COMMD10: variants seen among roughly 807,000 people sequenced by gnomAD.
COMMD10 encodes the protein COMM domain containing 10.
COMMD10 carries 33 observed loss-of-function variants against 28.9 expected under a neutral mutation model. The observed-to-expected ratio is 1.14, with a 90% CI of 0.87 to 1.53. COMMD10 has a LOEUF of 1.53. Ranked by LOEUF, COMMD10 falls within the 40% of genes most tolerant of loss-of-function variation. The pLI is 0.00. For missense variants in COMMD10, 310 were observed against 233.4 expected, an observed-to-expected ratio of 1.33 and a Z score of -2.14; for synonymous variants, 110 against 81.7, an observed-to-expected ratio of 1.35 and a Z score of -1.87.
intron 4 of COMMD10, among the ~76,000 whole-genome samples, chr5:116,128,717 A>G (rs1751749329): frequency 6.6e-6 from 1 of 152,024 alleles, no homozygotes. Context: ...TAATATAAGA[A>G]TATATTCTAA....
chr5:116,101,497 G>A (rs1204405090), intron 4 of COMMD10, among the ~76,000 whole-genome samples: 1 of 151,948 alleles, frequency 6.6e-6, no homozygotes, highest in Admixed American at 6.6e-5. Flanking sequence ...TGTGACCTCG[G>A]CTCACTGCAA....
chr5:116,125,539 C>G (rs189210727), intron 4 of COMMD10, among the ~76,000 whole-genome samples: 10 of 152,192 alleles, frequency 6.6e-5, no homozygotes, highest in African/African-American at 2.2e-4. Flanking sequence ...TGGAGTTGCT[C>G]TTCTCCAGGA....
intron 5 of COMMD10, among the ~76,000 whole-genome samples, chr5:116,250,755 G>A (rs1318999582): frequency 2.6e-5 from 4 of 151,954 alleles, no homozygotes; most frequent in Non-Finnish European, 5.9e-5. Context: ...TCTCTTCTGA[G>A]AATCTGCAAG....
chr5:116,180,773 A>G (rs1020424759), intron 5 of COMMD10, among the ~76,000 whole-genome samples: 8 of 152,138 alleles, frequency 5.3e-5, no homozygotes, highest in African/African-American at 1.9e-4. Context: ...GATCGCATAT[A>G]TTGTAGTATA....
chr5:116,292,447 A>T lies in COMMD10; in HGVS notation c.571-4A>T. 1 of 1,494,474 alleles carries T rather than the reference A, an allele frequency of 6.7e-7. No homozygotes were observed. The highest frequency in any genetic ancestry group is 8.9e-7 in the Non-Finnish European group (1 of 1,123,150). 92.6% of individuals were successfully genotyped at this position (1,494,474 alleles called of 1,614,324 possible). A position where few individuals can be genotyped will look rare whatever the true frequency, so the allele number is the denominator to read the frequency against. On this transcript the variant is annotated splice_polypyrimidine_tract_variant and splice_region_variant and intron_variant, in intron 6 of 6. Transcript: ENST00000274458. ...TCTTTTTTTTTTTTTGTCTTTGTAA[A>T]TAGCTAGAGACTATACAAGCACAGC...
At chr5:116,287,634 G>C (rs200715239) in intron 5 of COMMD10, among the ~76,000 whole-genome samples, 3 of 151,372 alleles carry the variant, frequency 2.0e-5, no homozygotes, top group Non-Finnish European at 4.4e-5. Context: ...TCTATGTCTT[G>C]TTCCTTTCCT....
intron 4 of COMMD10, among the ~76,000 whole-genome samples, chr5:116,125,654 T>C (rs896269479): frequency 6.6e-6 from 1 of 152,158 alleles, no homozygotes; most frequent in Non-Finnish European, 1.5e-5. Flanking sequence ...TTTTCCAACT[T>C]GGTTCCATTC....
At chr5:116,165,464 C>A (rs1366833262) in intron 5 of COMMD10, among the ~76,000 whole-genome samples, 1 of 152,156 alleles carries the variant, frequency 6.6e-6, no homozygotes, top group Non-Finnish European at 1.5e-5. Flanking sequence ...GAAAAACAGA[C>A]ATTTATTTCT....
At chr5:116,288,553 T>C (rs530162819) in intron 5 of COMMD10, among the ~76,000 whole-genome samples, 1 of 151,902 alleles carries the variant, frequency 6.6e-6, no homozygotes, top group African/African-American at 2.4e-5. Context: ...TCTCTTACTT[T>C]CCCTTCTGGA....
intron 5 of COMMD10, among the ~76,000 whole-genome samples, chr5:116,274,058 A>G (rs984285599): frequency 3.3e-5 from 5 of 151,722 alleles, no homozygotes; most frequent in South Asian, 2.1e-4. Context: ...AGCCTCTGCA[A>G]CTGTCACCAA....
chr5:116,243,417 A>G (rs117835789), intron 5 of COMMD10, among the ~76,000 whole-genome samples: 3 of 152,306 alleles, frequency 2.0e-5, no homozygotes, highest in East Asian at 1.9e-4. Context: ...GAAAATTTAC[A>G]TGTTTTAATT....
chr5:116,091,254 A>G, intron 3 of COMMD10, 65 bp downstream of exon 3: 1 of 726,950 alleles, frequency 1.4e-6, no homozygotes, highest in Non-Finnish European at 2.2e-6. Flanking sequence ...TTGTTATGAT[A>G]TCTATGACAT....
At chr5:116,096,596 T>C (rs1750476850) in intron 4 of COMMD10, among the ~76,000 whole-genome samples, 1 of 152,130 alleles carries the variant, frequency 6.6e-6, no homozygotes, top group Non-Finnish European at 1.5e-5. Flanking sequence ...TGCTTTATTT[T>C]ACTGACAAGG....
chr5:116,153,988 AT>A (rs1752621466), intron 5 of COMMD10, among the ~76,000 whole-genome samples: 1 of 152,028 alleles, frequency 6.6e-6, no homozygotes, highest in African/African-American at 2.4e-5. Flanking sequence ...TCCATACTGG[AT>A]TTTATTAGAG....
At chr5:116,186,457 G>C (rs1748142047) in intron 5 of COMMD10, among the ~76,000 whole-genome samples, 1 of 151,920 alleles carries the variant, frequency 6.6e-6, no homozygotes, top group African/African-American at 2.4e-5. Flanking sequence ...GGTTTTTGCA[G>C]GTTCTATCCT....
chr5:116,262,797 G>T (rs1447103144), intron 5 of COMMD10, among the ~76,000 whole-genome samples: 1 of 151,696 alleles, frequency 6.6e-6, no homozygotes, highest in Non-Finnish European at 1.5e-5. Context: ...AGGTCCATTT[G>T]CACAATATCT....
At chr5:116,152,418 G>A (rs1290124182) in intron 5 of COMMD10, among the ~76,000 whole-genome samples, 3 of 151,960 alleles carry the variant, frequency 2.0e-5, no homozygotes. Flanking sequence ...GGGATAGTAT[G>A]GCAGTGTGCC....
intron 5 of COMMD10, among the ~76,000 whole-genome samples, chr5:116,221,761 C>T (rs899080365): frequency 1.1e-4 from 16 of 152,114 alleles, no homozygotes; most frequent in Non-Finnish European, 2.4e-4. Context: ...TTTAGTTGTT[C>T]TAGCCACCAT....
chr5:116,169,957 C>T (rs373352487), intron 5 of COMMD10, among the ~76,000 whole-genome samples: 1 of 152,088 alleles, frequency 6.6e-6, no homozygotes, highest in Admixed American at 6.5e-5. Context: ...CTCACCACCC[C>T]TATTCATCAT....
Sources: allele counts gnomAD v4.1 joint callset (sites outside exome capture counted in the v4.1 genomes callset), GRCh38; gene constraint gnomAD v4.1.1; transcripts MANE v1.5; gene names NCBI Gene and HGNC (gene_info 2026-07-23, HGNC 2026-07-21).